Variants in AKAP7 observed in about 807,000 individuals in gnomAD.
The protein encoded by AKAP7 is A kinase (PRKA) anchor protein 7.
Under a neutral mutation model 39.5 loss-of-function variants are expected in AKAP7, and 39 were observed. The ratio of observed to expected loss-of-function variants is 0.99; its 90% CI spans 0.76 to 1.29. The LOEUF is 1.29. Among genes scored for constraint, AKAP7 ranks in the 50% most tolerant of loss-of-function variants. The pLI is 0.00. For missense variants in AKAP7, 414 were observed against 407.7 expected, an observed-to-expected ratio of 1.02 and a Z score of -0.13; for synonymous variants, 140 against 139.1, an observed-to-expected ratio of 1.01 and a Z score of -0.05.
intron 2 of AKAP7, among the ~76,000 whole-genome samples, chr6:131,152,501 G>A (rs1319593356): frequency 6.6e-6 from 1 of 152,186 alleles, no homozygotes; most frequent in Non-Finnish European, 1.5e-5. Flanking sequence ...AAACTTTACA[G>A]ATAAAATCAG....
intron 4 of AKAP7, among the ~76,000 whole-genome samples, chr6:131,168,457 A>G (rs1440106169): frequency 6.6e-6 from 1 of 152,090 alleles, no homozygotes; most frequent in African/African-American, 2.4e-5. Context: ...AGAGAGAGAG[A>G]GAGAGAGGGA....
chr6:131,164,358 G>T (rs940960600), intron 3 of AKAP7: 2 of 454,940 alleles, frequency 4.4e-6, no homozygotes, highest in African/African-American at 4.0e-5. Context: ...CTAACTGGAA[G>T]TGGAGGAGGG....
intron 2 of AKAP7, among the ~76,000 whole-genome samples, chr6:131,150,104 C>T (rs1451109518): frequency 1.3e-5 from 2 of 152,140 alleles, no homozygotes; most frequent in African/African-American, 4.8e-5. Context: ...CAGGTATGCA[C>T]CACTATGCCT....
At chr6:131,234,375 A>G (rs1460799889) in intron 7 of AKAP7, among the ~76,000 whole-genome samples, 1 of 152,184 alleles carries the variant, frequency 6.6e-6, no homozygotes, top group Non-Finnish European at 1.5e-5. Flanking sequence ...AATGAAGTTA[A>G]TGGGAACCAA....
intron 7 of AKAP7, among the ~76,000 whole-genome samples, chr6:131,222,158 T>A (rs528463909): frequency 6.6e-6 from 1 of 152,258 alleles, no homozygotes; most frequent in South Asian, 2.1e-4. Context: ...AGAAGTTGAT[T>A]CCAGCCCTCA....
Position 131,271,677 on chromosome 6 carries a change from A to G in AKAP7, c.851-9853A>G, listed in dbSNP as rs1199641434. Among the ~76,000 whole-genome samples, 4 of 152,120 alleles carry G rather than the reference A, an allele frequency of 2.6e-5. No individual in the cohort carries two copies. In the East Asian group the frequency reaches 7.7e-4, roughly 29 times the overall value. On this transcript the variant is annotated intron_variant, in intron 7 of 7. Transcript: ENST00000431975. ...ATACTATTCATTATTTACAAAATAC[A>G]TGGTGATCATAAGAGAGCACTTTAC...
At chr6:131,185,532 G>C (rs1805755124) in intron 5 of AKAP7, 1 of 208,972 alleles carries the variant, frequency 4.8e-6, no homozygotes, top group African/African-American at 2.3e-5. Context: ...TAATGGGTAT[G>C]AGGTGGTATT....
At chr6:131,220,026 C>G (rs2128297941) in intron 7 of AKAP7, among the ~76,000 whole-genome samples, 1 of 152,132 alleles carries the variant, frequency 6.6e-6, no homozygotes, top group South Asian at 2.1e-4. Context: ...TTTTATACTT[C>G]TGGCTTTAAA....
At chr6:131,208,309 C>A (rs1004850598) in intron 6 of AKAP7, among the ~76,000 whole-genome samples, 2 of 152,064 alleles carry the variant, frequency 1.3e-5, no homozygotes, top group East Asian at 3.9e-4. Context: ...CAAAGGTAAA[C>A]CTGCTTAACA....
chr6:131,134,003 G>C (rs537509085), upstream of AKAP7, among the ~76,000 whole-genome samples: 146 of 152,244 alleles, frequency 9.6e-4, 1 homozygote, highest in African/African-American at 3.5e-3. Flanking sequence ...ACAGGATCTG[G>C]CTCTGTTGTC....
upstream of AKAP7, among the ~76,000 whole-genome samples, chr6:131,131,922 G>A (rs1282117503): frequency 1.3e-5 from 2 of 152,176 alleles, no homozygotes; most frequent in Non-Finnish European, 2.9e-5. Context: ...TAAGGTTAGA[G>A]ATAATCGGCA....
chr6:131,199,613 C>A (rs757221582), intron 6 of AKAP7, 40 bp downstream of exon 6: 2 of 1,426,444 alleles, frequency 1.4e-6, no homozygotes, highest in Non-Finnish European at 2.0e-6. Flanking sequence ...TTTACCAGGC[C>A]ACACCAGCCA....
chr6:131,142,876 C>A (rs1177160878), intron 1 of AKAP7, among the ~76,000 whole-genome samples: 3 of 152,222 alleles, frequency 2.0e-5, no homozygotes, highest in African/African-American at 7.2e-5. Context: ...ATGTCTTGCT[C>A]CAGTGTGCCC....
At chr6:131,247,269 GTATA>G (rs60033504) in intron 7 of AKAP7, among the ~76,000 whole-genome samples, 2,830 of 91,008 alleles carry the variant, frequency 0.031, 44 homozygotes, top group East Asian at 0.13. Flanking sequence ...CATTTCATAT[GTATA>G]TATATATATA....
chr6:131,166,003 G>A (rs1370631527), intron 4 of AKAP7, among the ~76,000 whole-genome samples: 1 of 152,136 alleles, frequency 6.6e-6, no homozygotes, highest in African/African-American at 2.4e-5. Flanking sequence ...GAGGGAATGA[G>A]GAGCAAGGCT....
chr6:131,281,654 G>T lies in AKAP7; in HGVS notation c.975G>T (p.Pro325=). ...YLEETQNKNK[P]GEGSSVKTEA... is the part of the protein sequence containing the mutation. ...AGGAAACACAGAATAAAAACAAGCC[G>T]GGGGAGGGGAGCTCTGTGAAAACCG... The change falls in exon 8 of 8, where the codon CCG becomes CCT. Residue 325 remains proline, a synonymous_variant. Coordinates refer to ENST00000431975, the MANE Select transcript of AKAP7 (RefSeq NM_016377.4). This position sits in a 1 kb window ranked among gnomAD's most constrained non-coding sequence, Gnocchi z 4.0. 1 of 1,613,480 alleles carries T rather than the reference G, an allele frequency of 6.2e-7. No homozygotes were observed. The highest frequency in any genetic ancestry group is 8.5e-7 in the Non-Finnish European group (1 of 1,179,748).
intron 7 of AKAP7, among the ~76,000 whole-genome samples, chr6:131,245,828 C>T (rs1049979751): frequency 7.2e-5 from 11 of 152,002 alleles, no homozygotes; most frequent in Non-Finnish European, 1.5e-4. Flanking sequence ...TTTTCTCTTT[C>T]TTTATGCTTC....
At chr6:131,152,826 CAAA>C (rs759814910) in intron 2 of AKAP7, among the ~76,000 whole-genome samples, 1 of 39,050 alleles carries the variant, frequency 2.6e-5, no homozygotes, top group Non-Finnish European at 5.1e-5. Flanking sequence ...GACTCCATCT[CAAA>C]AAAAAAAAAA....
At chr6:131,266,175 C>T (rs139398809) in intron 7 of AKAP7, among the ~76,000 whole-genome samples, 1 of 152,260 alleles carries the variant, frequency 6.6e-6, no homozygotes, top group African/African-American at 2.4e-5. Context: ...CTCTGACCTC[C>T]TCCTTCTAAT....
Sources: gnomAD v4.1 joint callset for allele counts (sites outside exome capture counted in the v4.1 genomes callset) on GRCh38, gnomAD v4.1.1 for gene constraint, Gnocchi (gnomAD v3.1) non-coding constraint, MANE v1.5 for transcripts, NCBI Gene and HGNC (gene_info 2026-07-23, HGNC 2026-07-21) for gene names.